The following SSBP3 variants were observed in gnomAD, a reference collection of about 807,000 sequenced individuals.
SSBP3 encodes the protein single-stranded DNA-binding protein 3.
In SSBP3, 5 loss-of-function variants were observed where a neutral mutation model predicts 69.6. That is an observed-to-expected ratio of 0.07 (90% CI 0.04 to 0.15). The LOEUF (loss-of-function observed/expected upper bound fraction) is 0.15. Among genes scored for constraint, SSBP3 ranks in the 10% least tolerant of loss-of-function variants. SSBP3 has a pLI of 1.00. For synonymous variants in SSBP3, 196 were observed against 193.4 expected (o/e 1.01, Z -0.11); for missense variants, 312 against 534.0 (o/e 0.58, Z 4.10).
At chr1:54,314,659 T>C (rs1467505700) in intron 4 of SSBP3, among the ~76,000 whole-genome samples, 1 of 152,216 alleles carries the variant, frequency 6.6e-6, no homozygotes, top group Non-Finnish European at 1.5e-5. Context: ...TTTCCTTAGA[T>C]CCTGCCTAAA....
At chr1:54,234,943 T>TA in intron 14 of SSBP3, among the ~76,000 whole-genome samples, 1 of 152,304 alleles carries the variant, frequency 6.6e-6, no homozygotes, top group African/African-American at 2.4e-5. Flanking sequence ...ACCTTTCTTT[T>TA]AAATGCACTG....
At chr1:54,239,095 G>A (rs767205540) in intron 14 of SSBP3, 34 bp downstream of exon 14, 37 of 1,560,534 alleles carry the variant, frequency 2.4e-5, no homozygotes, top group Non-Finnish European at 3.0e-5. Flanking sequence ...TTGTTATGGT[G>A]TCTGATATGT....
chr1:54,408,097 C>T (rs929327095), upstream of SSBP3, among the ~76,000 whole-genome samples: 6 of 151,992 alleles, frequency 3.9e-5, no homozygotes, highest in African/African-American at 1.2e-4. Context: ...ACAGCCAGGC[C>T]CTGCGGACAC....
intron 4 of SSBP3, among the ~76,000 whole-genome samples, chr1:54,362,751 A>G (rs985116868): frequency 5.3e-5 from 8 of 152,216 alleles, no homozygotes; most frequent in Non-Finnish European, 1.0e-4. Flanking sequence ...TACCTTCTTA[A>G]GCTGTCTAAA....
chr1:54,274,092 C>G (rs998378254), intron 5 of SSBP3, among the ~76,000 whole-genome samples: 2 of 152,186 alleles, frequency 1.3e-5, no homozygotes, highest in African/African-American at 4.8e-5. Context: ...GTCCTCTTCC[C>G]CAGTAGGAGG....
intron 9 of SSBP3, among the ~76,000 whole-genome samples, chr1:54,247,851 C>T (rs1459534721): frequency 2.0e-5 from 3 of 152,180 alleles, no homozygotes; most frequent in Non-Finnish European, 4.4e-5. Flanking sequence ...TAGGATAAGA[C>T]GTTACTACCT....
chr1:54,261,433 A>G (rs1003305184), intron 5 of SSBP3, among the ~76,000 whole-genome samples: 3 of 152,208 alleles, frequency 2.0e-5, no homozygotes, highest in Admixed American at 6.5e-5. Context: ...GCAGACAACA[A>G]TGAAAAAGGA....
intron 4 of SSBP3, among the ~76,000 whole-genome samples, chr1:54,373,397 G>A (rs1356123627): frequency 2.6e-5 from 4 of 152,126 alleles, no homozygotes; most frequent in Non-Finnish European, 4.4e-5. Context: ...AGGGTTACAC[G>A]AATCCAGCCA....
intron 1 of SSBP3, 100 bp from the exon 2 acceptor site, chr1:54,405,030 C>A: frequency 9.2e-7 from 1 of 1,086,722 alleles, no homozygotes; most frequent in Non-Finnish European, 1.4e-6. Flanking sequence ...CTGTCTGCGC[C>A]GTCCCATTGT....
Position 54,241,573 on chromosome 1 carries a change from CCCTGAGGACACGACCCACT to C in SSBP3, c.766-83_766-65del, listed in dbSNP as rs368806363. On this transcript the variant is annotated intron_variant, in intron 11 of 17. Coordinates refer to ENST00000610401, the Ensembl canonical transcript of SSBP3. ...CTGAGTGCCCTCAGCTGCCAAACCT[CCCTGAGGACACGACCCACT>C]CTTCACAGGAAAGGCATCGCCACCC... 7.1e-4 allele frequency: 1,092 copies of C among 1,548,438 alleles called. 7 individuals carry two copies. In the African/African-American group the frequency reaches 0.013, roughly 19 times the overall value.
intron 4 of SSBP3, among the ~76,000 whole-genome samples, chr1:54,360,040 C>T (rs898979152): frequency 2.6e-5 from 4 of 152,184 alleles, no homozygotes; most frequent in Non-Finnish European, 4.4e-5. Flanking sequence ...CAGTACCTGA[C>T]ATATACCATG....
At chr1:54,312,576 G>C (rs1379461786) in intron 4 of SSBP3, among the ~76,000 whole-genome samples, 2 of 152,032 alleles carry the variant, frequency 1.3e-5, no homozygotes, top group Admixed American at 6.6e-5. Flanking sequence ...AAAATTTGCA[G>C]GATTACATAG....
intron 4 of SSBP3, among the ~76,000 whole-genome samples, chr1:54,316,359 G>T (rs1347316622): frequency 7.3e-6 from 1 of 136,254 alleles, no homozygotes; most frequent in African/African-American, 2.8e-5. Context: ...AAATAAATAG[G>T]CCGGGCGCGG....
At chr1:54,297,307 A>G (rs561249686) in intron 4 of SSBP3, among the ~76,000 whole-genome samples, 50 of 152,364 alleles carry the variant, frequency 3.3e-4, no homozygotes, top group Non-Finnish European at 5.3e-4. Context: ...CAACAGTGGC[A>G]TGAAGCACAA....
At chr1:54,369,929 G>A (rs1393658604) in intron 4 of SSBP3, among the ~76,000 whole-genome samples, 1 of 152,156 alleles carries the variant, frequency 6.6e-6, no homozygotes, top group Non-Finnish European at 1.5e-5. Flanking sequence ...GAAGCTTTGT[G>A]TGATATGAAA....
At chr1:54,281,407 G>A (rs1645388922) in intron 5 of SSBP3, 31 bp downstream of exon 5, 1 of 1,527,922 alleles carries the variant, frequency 6.5e-7, no homozygotes, top group Admixed American at 2.0e-5. Flanking sequence ...AATACAAGGT[G>A]GAGCACAAGA....
intron 4 of SSBP3, among the ~76,000 whole-genome samples, chr1:54,299,939 A>G (rs1311241196): frequency 2.0e-5 from 3 of 152,094 alleles, no homozygotes; most frequent in Non-Finnish European, 4.4e-5. Context: ...TCCTTCCCTG[A>G]ACACTGCATG....
intron 4 of SSBP3, among the ~76,000 whole-genome samples, chr1:54,288,733 C>T (rs1285961443): frequency 6.6e-6 from 1 of 151,576 alleles, no homozygotes; most frequent in East Asian, 1.9e-4. Flanking sequence ...TCTGTGCCTC[C>T]ACCTTTTATC....
At chr1:54,259,248 T>A (rs929129914) in intron 5 of SSBP3, among the ~76,000 whole-genome samples, 2 of 151,764 alleles carry the variant, frequency 1.3e-5, no homozygotes, top group Admixed American at 1.3e-4. Flanking sequence ...CACTCAGCAA[T>A]TCAGCAAGCT....
Sources: allele counts gnomAD v4.1 joint callset (sites outside exome capture counted in the v4.1 genomes callset), GRCh38; gene constraint gnomAD v4.1.1; transcripts MANE v1.5; gene names NCBI Gene and HGNC (gene_info 2026-07-23, HGNC 2026-07-21).